The following LCP2 variants were observed in gnomAD, a reference collection of about 807,000 sequenced individuals.
LCP2 encodes 76 kDa tyrosine phosphoprotein.
Under a neutral mutation model 74.5 loss-of-function variants are expected in LCP2, and 29 were observed. The observed-to-expected ratio is 0.39, with a 90% CI of 0.29 to 0.53. LCP2 has a LOEUF of 0.53. Among genes scored for constraint, LCP2 ranks in the 20% least tolerant of loss-of-function variants. The pLI is 0.72. For missense variants in LCP2, 604 were observed against 634.6 expected (o/e 0.95, Z 0.52); for synonymous variants, 228 against 229.5 (o/e 0.99, Z 0.06).
At chr5:170,268,300 A>T in intron 8 of LCP2, 85 bp downstream of exon 8, 1 of 212,864 alleles carries the variant, frequency 4.7e-6, no homozygotes, top group Non-Finnish European at 9.5e-6. Context: ...TGAGATAAAG[A>T]TGTTTATAGT....
intron 2 of LCP2, among the ~76,000 whole-genome samples, chr5:170,288,984 A>G (rs72835745): frequency 0.014 from 2,167 of 152,300 alleles, 19 homozygotes; most frequent in Non-Finnish European, 0.022. Flanking sequence ...CTCCACCACC[A>G]TTCTAGTTAA....
In LCP2 at chr5:170,297,672, A is replaced by G; in HGVS notation, c.-61T>C. 1 of 1,459,118 alleles carries G rather than the reference A, an allele frequency of 6.9e-7. No individual in the cohort carries two copies. Among genetic ancestry groups the G allele is most frequent in the Non-Finnish European group, 9.4e-7 (1 of 1,066,332 alleles). 90.4% of individuals were successfully genotyped at this position (1,459,118 alleles called of 1,614,324 possible). On this transcript the variant is annotated 5_prime_UTR_variant, in exon 1 of 21. Transcript: ENST00000046794. ...ATGGGCGCTTCACCCATGGGCAGAG[A>G]AGCTCAAATCCAGAGCTCGGAGGCG...
chr5:170,249,280 GCGC>G (rs1358016380), intron 20 of LCP2, among the ~76,000 whole-genome samples: 2 of 151,618 alleles, frequency 1.3e-5, no homozygotes, highest in East Asian at 3.9e-4. Context: ...AGCCGAGATT[GCGC>G]CATTGCCGCA....
rs755056721 is a variant in LCP2, at chr5:170,297,578, C to A, written c.34G>T (p.Val12Phe). 6.2e-7 allele frequency: 1 copy of A among 1,613,042 alleles called. No homozygotes were observed. Residue 12 changes from valine to phenylalanine, a missense_variant, in exon 1 of 21, where the codon GTC becomes TTC. Transcript: ENST00000046794. ...ALRNVPFRSE[V>F]LGWDPDSLAD... Reference sequence around the variant, plus strand: ...AGGCTGTCGGGGTCCCAGCCCAGGACCTCTGAGCGAAAGGGCACATTCCTC... The same window carrying A: ...AGGCTGTCGGGGTCCCAGCCCAGGAACTCTGAGCGAAAGGGCACATTCCTC...
chr5:170,280,449 G>C (rs927771895), intron 3 of LCP2, among the ~76,000 whole-genome samples: 1 of 151,996 alleles, frequency 6.6e-6, no homozygotes, highest in Non-Finnish European at 1.5e-5. Flanking sequence ...CTTGAACCAA[G>C]AGCCAAACCT....
Position 170,294,845 on chromosome 5 carries a change from A to G in LCP2, c.79-1473T>C, listed in dbSNP as rs144983779. ...TATGAGATAAACCAGATGATTTTGA[A>G]GAGTGCTAACTTTGTGTCTAGATCA... On this transcript the variant is annotated intron_variant, in intron 1 of 20. Coordinates refer to ENST00000046794, the MANE Select transcript of LCP2 (RefSeq NM_005565.5). Among the ~76,000 whole-genome samples, 786 of 152,350 alleles carry G rather than the reference A, an allele frequency of 5.2e-3. 7 individuals carry two copies. Among genetic ancestry groups the G allele is most frequent in the African/African-American group, 0.017 (727 of 41,580 alleles).
chr5:170,268,136 TG>T (rs1280027721), intron 8 of LCP2, among the ~76,000 whole-genome samples: 3 of 152,182 alleles, frequency 2.0e-5, no homozygotes, highest in African/African-American at 4.8e-5. Flanking sequence ...CGGTTCTCTT[TG>T]GGTTTATTTT....
chr5:170,249,362 G>GTA (rs72371153), intron 20 of LCP2, among the ~76,000 whole-genome samples: 6,628 of 108,028 alleles, frequency 0.061, 156 homozygotes, highest in Middle Eastern at 0.15. Context: ...GCATGCGTGT[G>GTA]TATATATATA....
chr5:170,271,019 C>T (rs1412041401), intron 6 of LCP2, 102 bp from the exon 7 acceptor site: 2 of 1,045,984 alleles, frequency 1.9e-6, no homozygotes, highest in African/African-American at 1.7e-5. Flanking sequence ...ACAGTATAAC[C>T]CGGGACCAGG....
intron 13 of LCP2, among the ~76,000 whole-genome samples, chr5:170,261,348 A>C (rs1321983711): frequency 1.3e-5 from 2 of 152,044 alleles, no homozygotes; most frequent in Non-Finnish European, 2.9e-5. Context: ...AAGCTGAGCT[A>C]GGCAAACCTT....
chr5:170,284,941 G>C (rs1310293205), intron 3 of LCP2, among the ~76,000 whole-genome samples: 1 of 152,002 alleles, frequency 6.6e-6, no homozygotes, highest in East Asian at 1.9e-4. Context: ...AGTAGAGATG[G>C]GGTTTTGTCA....
chr5:170,271,389 A>T (rs1761895052), intron 6 of LCP2, among the ~76,000 whole-genome samples: 1 of 152,080 alleles, frequency 6.6e-6, no homozygotes, highest in Non-Finnish European at 1.5e-5. Flanking sequence ...AGGCCCGGCT[A>T]AGGGGAAAAA....
At chr5:170,281,992 C>G (rs570349043) in intron 3 of LCP2, among the ~76,000 whole-genome samples, 3 of 152,172 alleles carry the variant, frequency 2.0e-5, no homozygotes, top group Non-Finnish European at 4.4e-5. Context: ...TCGATTTAAC[C>G]AGACCGTTGT....
chr5:170,251,518 C>G, intron 19 of LCP2: 1 of 357,048 alleles, frequency 2.8e-6, no homozygotes, highest in Non-Finnish European at 5.8e-6. Flanking sequence ...CTGTAAAGAT[C>G]TAATATTAAA....
chr5:170,269,647 G>A (rs1761857347), intron 7 of LCP2, among the ~76,000 whole-genome samples: 1 of 152,170 alleles, frequency 6.6e-6, no homozygotes. Flanking sequence ...TCAGGCAAAC[G>A]CTCCAGCCTC....
rs747898084 is a variant in LCP2 at position 170,278,067 on chromosome 5, C to T, written c.189-2207G>A. The stretch of plus-strand genomic sequence containing the variant: ...ACGATGGGCATGTGGGATAAAAGGA[C>T]TCCTACAGAGCTGGCAAGGGAGCCC... On this transcript the variant is annotated intron_variant, in intron 3 of 20. Coordinates refer to ENST00000046794, the MANE Select transcript of LCP2 (RefSeq NM_005565.5). Among the ~76,000 whole-genome samples, 26 of 150,962 alleles carry T rather than the reference C, an allele frequency of 1.7e-4. No homozygotes were observed. The Middle Eastern group carries it at 0.01, about 59-fold the overall frequency.
intron 3 of LCP2, among the ~76,000 whole-genome samples, chr5:170,285,625 C>A (rs769166745): frequency 1.3e-5 from 2 of 152,184 alleles, no homozygotes; most frequent in South Asian, 4.1e-4. Flanking sequence ...AAGGCAAGAT[C>A]CTTCTAGGCA....
chr5:170,264,484 C>T (rs947552803), intron 10 of LCP2, among the ~76,000 whole-genome samples: 1 of 152,226 alleles, frequency 6.6e-6, no homozygotes, highest in African/African-American at 2.4e-5. Context: ...AAGTACATGC[C>T]AGGCCCATGA....
Position 170,275,877 on chromosome 5 carries a change from C to T in LCP2, c.189-17G>A. On this transcript the variant is annotated splice_polypyrimidine_tract_variant and intron_variant, in intron 3 of 20. Coordinates refer to ENST00000046794, the MANE Select transcript of LCP2 (RefSeq NM_005565.5). Reference sequence around the variant, plus strand: ...CTGAGAATCCTGCAAGATAAAGAGACAGATGAAGAGATAAAACCATCACTC... The same window carrying T: ...CTGAGAATCCTGCAAGATAAAGAGATAGATGAAGAGATAAAACCATCACTC... 6.4e-7 allele frequency: 1 copy of T among 1,552,962 alleles called. No individual in the cohort carries two copies. The highest frequency in any genetic ancestry group is 8.7e-7 in the Non-Finnish European group (1 of 1,143,670).
Sources: gnomAD v4.1 joint callset for allele counts (sites outside exome capture counted in the v4.1 genomes callset) on GRCh38, gnomAD v4.1.1 for gene constraint, MANE v1.5 for transcripts, NCBI Gene and HGNC (gene_info 2026-07-23, HGNC 2026-07-21) for gene names.